Variants in PCDH9 observed in about 807,000 individuals in gnomAD.
The protein encoded by PCDH9 is protocadherin-9.
In PCDH9, 24 loss-of-function variants were observed where a neutral mutation model predicts 70.6. That is an observed-to-expected ratio of 0.34 (90% CI 0.25 to 0.48). PCDH9 has a LOEUF of 0.48. Among genes scored for constraint, PCDH9 ranks in the 20% least tolerant of loss-of-function variants. The pLI is 0.99. For missense variants in PCDH9, 1,281 were observed against 1,503.6 expected (o/e 0.85, Z 2.45); for synonymous variants, 562 against 558.5 (o/e 1.01, Z -0.09).
At chr13:66,696,783 CTTTTTT>C (rs34598874) in intron 3 of PCDH9, among the ~76,000 whole-genome samples, 1 of 126,116 alleles carries the variant, frequency 7.9e-6, no homozygotes, top group Non-Finnish European at 1.6e-5. Flanking sequence ...TTCAGGCAAA[CTTTTTT>C]TTTTTTTTTT....
At chr13:67,064,889 GAAAT>G (rs1459935008) in intron 2 of PCDH9, among the ~76,000 whole-genome samples, 102 of 136,332 alleles carry the variant, frequency 7.5e-4, no homozygotes, top group African/African-American at 2.7e-3. Context: ...TGCCTGTGTG[GAAAT>G]AGATAGATAG....
intron 4 of PCDH9, among the ~76,000 whole-genome samples, chr13:66,521,113 T>C (rs917389850): frequency 6.6e-6 from 1 of 152,158 alleles, no homozygotes; most frequent in Non-Finnish European, 1.5e-5. Flanking sequence ...ACAGCTTGCA[T>C]ACCTATTCCA....
Position 67,133,824 on chromosome 13 carries a change from T to C in PCDH9, c.3036+91581A>G, listed in dbSNP as rs182485509. Among the ~76,000 whole-genome samples the C allele has an allele frequency of 3.6e-3, 548 of 152,232 alleles. 1 individual carries two copies. The highest frequency in any genetic ancestry group is 0.012 in the African/African-American group (498 of 41,564). The stretch of plus-strand genomic sequence containing the variant: ...TGCAATAAATTAATCAAAATCAATG[T>C]TAGAATGAGCGGCTGTTTCATGCAC... On this transcript the variant is annotated intron_variant, in intron 2 of 4. Coordinates refer to ENST00000377865, the MANE Select transcript of PCDH9 (RefSeq NM_203487.3).
intron 3 of PCDH9, among the ~76,000 whole-genome samples, chr13:66,807,685 A>G (rs1012950088): frequency 2.0e-4 from 31 of 152,350 alleles, no homozygotes; most frequent in African/African-American, 7.5e-4. Context: ...AATATTTTCA[A>G]ATGTATAAAA....
intron 3 of PCDH9, among the ~76,000 whole-genome samples, chr13:66,681,143 A>G (rs1014478615): frequency 6.6e-6 from 1 of 151,992 alleles, no homozygotes; most frequent in African/African-American, 2.4e-5. Flanking sequence ...CCCTGTAAAA[A>G]CCTATCACAA....
intron 4 of PCDH9, among the ~76,000 whole-genome samples, chr13:66,537,990 C>A (rs1960779508): frequency 6.6e-6 from 1 of 151,974 alleles, no homozygotes; most frequent in Non-Finnish European, 1.5e-5. Flanking sequence ...ACTGAAAAAT[C>A]AAAAATTCAT....
intron 2 of PCDH9, among the ~76,000 whole-genome samples, chr13:67,164,507 G>A (rs1045653626): frequency 1.3e-5 from 2 of 151,466 alleles, no homozygotes; most frequent in South Asian, 4.2e-4. Flanking sequence ...CAGGGAGGCA[G>A]AGGTCGCAGT....
intron 2 of PCDH9, among the ~76,000 whole-genome samples, chr13:67,140,194 G>A (rs1190386577): frequency 6.6e-6 from 1 of 152,036 alleles, no homozygotes; most frequent in African/African-American, 2.4e-5. Flanking sequence ...ACCTCCTGGG[G>A]TCCAGCATTT....
intron 4 of PCDH9, among the ~76,000 whole-genome samples, chr13:66,531,176 T>C (rs1960438469): frequency 6.6e-6 from 1 of 152,056 alleles, no homozygotes; most frequent in African/African-American, 2.4e-5. Flanking sequence ...TTGGTAATAT[T>C]GGTTCTATTA....
intron 3 of PCDH9, among the ~76,000 whole-genome samples, chr13:66,637,154 C>T (rs2077649177): frequency 6.6e-6 from 1 of 152,088 alleles, no homozygotes; most frequent in Non-Finnish European, 1.5e-5. Context: ...AATGCATGCA[C>T]ACATTTCCTC....
At chr13:66,945,998 G>T (rs975069677) in intron 2 of PCDH9, among the ~76,000 whole-genome samples, 2 of 152,030 alleles carry the variant, frequency 1.3e-5, no homozygotes, top group Non-Finnish European at 2.9e-5. Flanking sequence ...CCAACACTTG[G>T]TATTTTCAGG....
intron 3 of PCDH9, among the ~76,000 whole-genome samples, chr13:66,775,022 G>T (rs995228855): frequency 1.3e-5 from 2 of 152,130 alleles, no homozygotes; most frequent in African/African-American, 4.8e-5. Flanking sequence ...TGATGATTAA[G>T]TTCCCATTTT....
chr13:66,471,701 T>A (rs950375949), intron 4 of PCDH9, among the ~76,000 whole-genome samples: 1 of 152,170 alleles, frequency 6.6e-6, no homozygotes, highest in African/African-American at 2.4e-5. Context: ...AGAGGCTAAG[T>A]AGCTTGCTCA....
intron 4 of PCDH9, among the ~76,000 whole-genome samples, chr13:66,477,647 A>T (rs2138500309): frequency 6.6e-6 from 1 of 152,304 alleles, no homozygotes; most frequent in South Asian, 2.1e-4. Flanking sequence ...TGAAGATTAA[A>T]ATAATTAATA....
At chr13:66,493,072 A>C (rs1293668031) in intron 4 of PCDH9, among the ~76,000 whole-genome samples, 1 of 152,170 alleles carries the variant, frequency 6.6e-6, no homozygotes, top group African/African-American at 2.4e-5. Flanking sequence ...AATAATAAAC[A>C]TGTTTCCTAT....
intron 4 of PCDH9, among the ~76,000 whole-genome samples, chr13:66,575,109 G>C (rs1377546398): frequency 6.6e-6 from 1 of 150,506 alleles, no homozygotes; most frequent in Non-Finnish European, 1.5e-5. Flanking sequence ...GGAAGCAGAG[G>C]TTGTGGTGAG....
intron 4 of PCDH9, among the ~76,000 whole-genome samples, chr13:66,466,197 C>T (rs1232019550): frequency 6.6e-6 from 1 of 151,760 alleles, no homozygotes; most frequent in Non-Finnish European, 1.5e-5. Flanking sequence ...TCCCTCCTCT[C>T]CTCCCCTCCT....
At chr13:67,195,302 G>A (rs1160452159) in intron 2 of PCDH9, among the ~76,000 whole-genome samples, 4 of 151,834 alleles carry the variant, frequency 2.6e-5, no homozygotes, top group Admixed American at 2.0e-4. Flanking sequence ...CCTCCACCAC[G>A]CCCCGCTAAT....
At chr13:66,544,315 T>G (rs966739719) in intron 4 of PCDH9, among the ~76,000 whole-genome samples, 1 of 152,204 alleles carries the variant, frequency 6.6e-6, no homozygotes, top group African/African-American at 2.4e-5. Flanking sequence ...ACTAAGGACA[T>G]GCCTGACTCT....
Sources: allele counts gnomAD v4.1 joint callset (sites outside exome capture counted in the v4.1 genomes callset), GRCh38; gene constraint gnomAD v4.1.1; transcripts MANE v1.5; gene names NCBI Gene and HGNC (gene_info 2026-07-23, HGNC 2026-07-21).